CELF4: variants seen among roughly 807,000 people sequenced by gnomAD.
CELF4 encodes CUG-BP- and ETR-3-like factor 4.
CELF4 carries 18 observed loss-of-function variants against 59.9 expected under a neutral mutation model. The ratio of observed to expected loss-of-function variants is 0.30; its 90% CI spans 0.21 to 0.45. CELF4 has a LOEUF of 0.45. Ranked by LOEUF, CELF4 falls within the 20% of genes least tolerant of loss-of-function variation. The probability of loss-of-function intolerance (pLI) is 1.00; values close to 1 mark genes in which losing one functional copy is unlikely to be tolerated. For synonymous variants in CELF4, 261 were observed against 267.1 expected, an observed-to-expected ratio of 0.98 and a Z score of 0.22; for missense variants, 456 against 689.0, an observed-to-expected ratio of 0.66 and a Z score of 3.79.
At chr18:37,325,841 G>T (rs2097291433) in intron 2 of CELF4, among the ~76,000 whole-genome samples, 1 of 152,250 alleles carries the variant, frequency 6.6e-6, no homozygotes. Flanking sequence ...ATAATCTGAT[G>T]GTGGTCAGCA....
intron 2 of CELF4, among the ~76,000 whole-genome samples, chr18:37,353,286 G>A (rs2098497749): frequency 6.6e-6 from 1 of 150,716 alleles, no homozygotes; most frequent in African/African-American, 2.4e-5. Flanking sequence ...TTAGGGACCA[G>A]GGGTAAGCTC....
At chr18:37,330,903 T>A (rs2154531294) in intron 2 of CELF4, among the ~76,000 whole-genome samples, 1 of 152,286 alleles carries the variant, frequency 6.6e-6, no homozygotes, top group African/African-American at 2.4e-5. Context: ...GTGGTGGCGA[T>A]CATCATTTAG....
Position 37,471,197 on chromosome 18 carries a change from C to T in CELF4, c.369+14328G>A, listed in dbSNP as rs975020392. 2.6e-5 allele frequency among the ~76,000 whole-genome samples: 4 copies of T among 152,096 alleles called. No individual in the cohort carries two copies. In the East Asian group the frequency reaches 5.8e-4, roughly 22 times the overall value. ...TCCTGCCAGCCTGTGCCCATTGAGG[C>T]TGCTCCTGGAAAGGGGGACTGAGGC... On this transcript the variant is annotated intron_variant, in intron 2 of 12. Coordinates refer to ENST00000420428, the MANE Select transcript of CELF4 (RefSeq NM_020180.4).
rs377159850 is a variant in CELF4 at position 37,445,239 on chromosome 18, G to A, written c.369+40286C>T. ...TTCAGAGACCCTGGGCTGCAGAAGC[G>A]GGAGCAGAGGGGCCAGTCTGAGCCC... On this transcript the variant is annotated intron_variant, in intron 2 of 12. Transcript: ENST00000420428. 1.5e-4 allele frequency among the ~76,000 whole-genome samples: 23 copies of A among 152,216 alleles called. No homozygotes were observed. In the East Asian group the frequency reaches 3.5e-3, roughly 23 times the overall value.
intron 2 of CELF4, among the ~76,000 whole-genome samples, chr18:37,485,053 C>A (rs1037062089): frequency 6.6e-6 from 1 of 152,204 alleles, no homozygotes; most frequent in Non-Finnish European, 1.5e-5. Flanking sequence ...TCTTCTCCCC[C>A]GCACAGAAGC....
chr18:37,502,086 C>T (rs1325358140), intron 1 of CELF4, among the ~76,000 whole-genome samples: 1 of 152,190 alleles, frequency 6.6e-6, no homozygotes, highest in Non-Finnish European at 1.5e-5. Flanking sequence ...CCTCGAGCCA[C>T]TGAGCTGCCC....
intron 1 of CELF4, among the ~76,000 whole-genome samples, chr18:37,550,786 C>T (rs2099982954): frequency 6.6e-6 from 1 of 152,248 alleles, no homozygotes; most frequent in Non-Finnish European, 1.5e-5. Flanking sequence ...CGCTGGCTCC[C>T]TCTGGCCTGG....
intron 1 of CELF4, among the ~76,000 whole-genome samples, chr18:37,560,339 A>C (rs1402933889): frequency 6.6e-6 from 1 of 152,260 alleles, no homozygotes; most frequent in Non-Finnish European, 1.5e-5. Context: ...TAAGCAGCAA[A>C]TAACCATCAG....
intron 2 of CELF4, among the ~76,000 whole-genome samples, chr18:37,443,810 T>C (rs747839620): frequency 1.7e-4 from 26 of 152,168 alleles, no homozygotes; most frequent in Non-Finnish European, 3.4e-4. Context: ...TGCGCATAAT[T>C]CATCCGCCCT....
At chr18:37,446,463 G>A (rs1408427824) in intron 2 of CELF4, among the ~76,000 whole-genome samples, 1 of 152,084 alleles carries the variant, frequency 6.6e-6, no homozygotes. Context: ...GTTCATATTT[G>A]AGTCCTGGCT....
chr18:37,559,062 G>T (rs893225226), intron 1 of CELF4, among the ~76,000 whole-genome samples: 1 of 152,052 alleles, frequency 6.6e-6, no homozygotes, highest in Non-Finnish European at 1.5e-5. Context: ...TCTGGATGGG[G>T]ATATCAGGCA....
intron 2 of CELF4, among the ~76,000 whole-genome samples, chr18:37,470,885 T>TGAGAGAGAGAGAGAGAGAGAGAGAGA: frequency 1.3e-5 from 1 of 79,604 alleles, no homozygotes; most frequent in Non-Finnish European, 2.5e-5. Flanking sequence ...TGTGTGTGTG[T>TGAGAGAGAGAGAGAGAGAGAGAGAGA]GTGACAGAGA....
At chr18:37,320,649 G>A (rs1486503554) in intron 3 of CELF4, among the ~76,000 whole-genome samples, 1 of 152,194 alleles carries the variant, frequency 6.6e-6, no homozygotes, top group African/African-American at 2.4e-5. Flanking sequence ...CGGAGCCTCC[G>A]TTTGGCCCCC....
intron 1 of CELF4, among the ~76,000 whole-genome samples, chr18:37,527,588 C>T (rs959501210): frequency 1.3e-5 from 2 of 152,150 alleles, no homozygotes; most frequent in Non-Finnish European, 2.9e-5. Flanking sequence ...AAACCATGCT[C>T]TGAGACAAAC....
intron 6 of CELF4, 190 bp from the exon 7 acceptor site, chr18:37,273,353 T>C: frequency 7.3e-7 from 1 of 1,373,674 alleles, no homozygotes; most frequent in Non-Finnish European, 9.4e-7. Context: ...TCCACCACCC[T>C]GAGAGATGAC....
intron 3 of CELF4, among the ~76,000 whole-genome samples, chr18:37,284,990 C>T (rs961512496): frequency 6.6e-6 from 1 of 152,216 alleles, no homozygotes; most frequent in Non-Finnish European, 1.5e-5. Context: ...TTCTCACTCC[C>T]TCTCTTCCCT....
At chr18:37,283,655 G>A (rs1204490305) in intron 3 of CELF4, among the ~76,000 whole-genome samples, 1 of 152,076 alleles carries the variant, frequency 6.6e-6, no homozygotes, top group Non-Finnish European at 1.5e-5. Flanking sequence ...TGACCTTCAG[G>A]AATCCTCAGA....
intron 2 of CELF4, among the ~76,000 whole-genome samples, chr18:37,452,178 G>A (rs923623833): frequency 2.0e-5 from 3 of 152,220 alleles, no homozygotes; most frequent in African/African-American, 2.4e-5. Context: ...CCTGAGCCAC[G>A]CTTGGTAATG....
At chr18:37,343,779 C>T (rs1181242807) in intron 2 of CELF4, among the ~76,000 whole-genome samples, 5 of 152,054 alleles carry the variant, frequency 3.3e-5, no homozygotes, top group South Asian at 2.1e-4. Context: ...TCTAAGAATA[C>T]GTGTGCAGAC....
Sources: allele counts gnomAD v4.1 joint callset (sites outside exome capture counted in the v4.1 genomes callset), GRCh38; gene constraint gnomAD v4.1.1; transcripts MANE v1.5; gene names NCBI Gene and HGNC (gene_info 2026-07-23, HGNC 2026-07-21).